PDE4B: variants seen among roughly 807,000 people sequenced by gnomAD.
The protein encoded by PDE4B is 3',5'-cyclic-AMP phosphodiesterase 4B.
A neutral mutation model predicts 82.2 loss-of-function variants in PDE4B; 20 were observed. The ratio of observed to expected loss-of-function variants is 0.24; its 90% CI spans 0.17 to 0.35. The LOEUF (loss-of-function observed/expected upper bound fraction) is 0.35. PDE4B is among the 10% of genes least tolerant of loss of function. PDE4B has a pLI of 1.00. For missense variants in PDE4B, 655 were observed against 907.2 expected (o/e 0.72, Z 3.57); for synonymous variants, 320 against 318.9 (o/e 1.00, Z -0.04).
chr1:65,977,733 C>T (rs1650483430), intron 3 of PDE4B, among the ~76,000 whole-genome samples: 1 of 152,130 alleles, frequency 6.6e-6, no homozygotes, highest in African/African-American at 2.4e-5. Flanking sequence ...TACAGCATAC[C>T]ATATTTGCTC....
At chr1:66,280,291 T>C (rs1456954643) in intron 7 of PDE4B, among the ~76,000 whole-genome samples, 1 of 152,240 alleles carries the variant, frequency 6.6e-6, no homozygotes. Flanking sequence ...AGCACACCTG[T>C]TAAATATTGG....
At chr1:65,821,734 G>A (rs940493164) in intron 1 of PDE4B, among the ~76,000 whole-genome samples, 9 of 152,046 alleles carry the variant, frequency 5.9e-5, no homozygotes, top group Non-Finnish European at 1.5e-5. Flanking sequence ...TGCCAATTTT[G>A]CCTATTTAGT....
chr1:65,858,474 TACAA>T (rs1402280928), intron 1 of PDE4B, among the ~76,000 whole-genome samples: 1 of 152,250 alleles, frequency 6.6e-6, no homozygotes, highest in African/African-American at 2.4e-5. Flanking sequence ...CACATTAATC[TACAA>T]ACATTTTTAA....
At chr1:66,351,498 G>A (rs879718168) in intron 8 of PDE4B, among the ~76,000 whole-genome samples, 6 of 152,280 alleles carry the variant, frequency 3.9e-5, no homozygotes, top group Middle Eastern at 3.4e-3. Flanking sequence ...GAAACTCTGA[G>A]GGATGATAAA....
At position 66,277,540 on chromosome 1, in the gene PDE4B, T is replaced by C. The variant is rs143335739; in HGVS notation, c.634+11453T>C. Among the ~76,000 whole-genome samples, 472 of 152,200 alleles carry C rather than the reference T, an allele frequency of 3.1e-3. 1 individual carries two copies. Among genetic ancestry groups the C allele is most frequent in the African/African-American group, 0.011 (450 of 41,526 alleles). The stretch of plus-strand genomic sequence containing the variant: ...CCTCCCAAGTAGTTGGGACTACAGG[T>C]GTGCGCCACCACGCCAGGCTAATTT... On this transcript the variant is annotated intron_variant, in intron 7 of 16. Coordinates refer to ENST00000341517, the MANE Select transcript of PDE4B (RefSeq NM_002600.4).
chr1:66,162,752 G>A (rs1427461928), intron 3 of PDE4B, among the ~76,000 whole-genome samples: 1 of 152,112 alleles, frequency 6.6e-6, no homozygotes, highest in African/African-American at 2.4e-5. Flanking sequence ...TTTCAGAATT[G>A]CGGTTTTTGG....
At chr1:66,281,292 A>T (rs1656282986) in intron 7 of PDE4B, among the ~76,000 whole-genome samples, 1 of 152,260 alleles carries the variant, frequency 6.6e-6, no homozygotes, top group Non-Finnish European at 1.5e-5. Flanking sequence ...CTAATCTTTA[A>T]CAGGGAACAG....
intron 7 of PDE4B, among the ~76,000 whole-genome samples, chr1:66,274,496 A>G (rs1655738749): frequency 6.6e-6 from 1 of 151,974 alleles, no homozygotes; most frequent in Admixed American, 6.6e-5. Flanking sequence ...TTAATATTCT[A>G]TATGTTAAGA....
chr1:66,028,025 C>T (rs1653547134), intron 3 of PDE4B, among the ~76,000 whole-genome samples: 1 of 152,226 alleles, frequency 6.6e-6, no homozygotes. Context: ...GACAGTGCCC[C>T]AGTAGGGACT....
At chr1:66,250,068 T>C (rs1653632497) in intron 4 of PDE4B, among the ~76,000 whole-genome samples, 1 of 152,262 alleles carries the variant, frequency 6.6e-6, no homozygotes, top group African/African-American at 2.4e-5. Context: ...TAGTTTTAAG[T>C]TGGCAAATCC....
intron 7 of PDE4B, among the ~76,000 whole-genome samples, chr1:66,318,296 G>T (rs1659166104): frequency 6.6e-6 from 1 of 152,042 alleles, no homozygotes; most frequent in South Asian, 2.1e-4. Flanking sequence ...CTATTTACTG[G>T]GGGTGTGGCA....
intron 8 of PDE4B, among the ~76,000 whole-genome samples, chr1:66,333,328 A>T (rs1660265427): frequency 6.6e-6 from 1 of 152,202 alleles, no homozygotes; most frequent in East Asian, 1.9e-4. Context: ...TCATTATATC[A>T]TTTGTTTAAT....
intron 3 of PDE4B, among the ~76,000 whole-genome samples, chr1:66,214,086 A>G (rs564476883): frequency 6.6e-6 from 1 of 152,284 alleles, no homozygotes; most frequent in Admixed American, 6.5e-5. Flanking sequence ...CAAGAAACAC[A>G]CTATGATCTT....
chr1:66,153,063 T>C (rs1167590566), intron 3 of PDE4B, among the ~76,000 whole-genome samples: 4 of 152,188 alleles, frequency 2.6e-5, no homozygotes, highest in African/African-American at 7.2e-5. Flanking sequence ...AGTTGATACA[T>C]AGAACTAATC....
intron 1 of PDE4B, among the ~76,000 whole-genome samples, chr1:65,870,021 C>T (rs1646555816): frequency 6.6e-6 from 1 of 152,076 alleles, no homozygotes; most frequent in African/African-American, 2.4e-5. Context: ...TAAGACAGCT[C>T]ACATATGTCA....
chr1:65,823,754 C>G (rs1406882563), intron 1 of PDE4B, among the ~76,000 whole-genome samples: 1 of 152,098 alleles, frequency 6.6e-6, no homozygotes. Flanking sequence ...ACCTACATCT[C>G]TAATGTTGCT....
At chr1:66,095,639 A>C (rs1186513783) in intron 3 of PDE4B, among the ~76,000 whole-genome samples, 2 of 151,950 alleles carry the variant, frequency 1.3e-5, no homozygotes, top group African/African-American at 4.8e-5. Context: ...CTGAACTCCT[A>C]GTGTGAACCA....
intron 3 of PDE4B, among the ~76,000 whole-genome samples, chr1:65,938,648 G>A (rs894919225): frequency 6.6e-6 from 1 of 152,206 alleles, no homozygotes; most frequent in Non-Finnish European, 1.5e-5. Flanking sequence ...GTCATATGTA[G>A]CATGTACAAG....
At chr1:66,096,526 A>ATG (rs1408993543) in intron 3 of PDE4B, among the ~76,000 whole-genome samples, 12 of 141,744 alleles carry the variant, frequency 8.5e-5, no homozygotes, top group African/African-American at 1.0e-4. Flanking sequence ...ATATATATAT[A>ATG]TATATATATA....
Sources: allele counts gnomAD v4.1 joint callset (sites outside exome capture counted in the v4.1 genomes callset), GRCh38; gene constraint gnomAD v4.1.1; transcripts MANE v1.5; gene names NCBI Gene and HGNC (gene_info 2026-07-23, HGNC 2026-07-21).